The following EVC variants were observed in gnomAD, a reference collection of about 807,000 sequenced individuals.
The protein encoded by EVC is evC complex member EVC.
Under a neutral mutation model 118.9 loss-of-function variants are expected in EVC, and 116 were observed. That is an observed-to-expected ratio of 0.98 (90% CI 0.84 to 1.14). The LOEUF is 1.14. Ranked by LOEUF, EVC falls within the 50% of genes most tolerant of loss-of-function variation. EVC has a pLI of 0.00. For missense variants in EVC, 1,401 were observed against 1,246.4 expected, an observed-to-expected ratio of 1.12 and a Z score of -1.87; for synonymous variants, 619 against 534.7, an observed-to-expected ratio of 1.16 and a Z score of -2.18.
rs1728980164 is a variant in EVC at position 5,743,847 on chromosome 4, T to A, written c.802-1357T>A. ...ATTTTTGTTTTACAGCTGAAGAAAC[T>A]GAGACTCCATAAGTTCAAATGACTT... On this transcript the variant is annotated intron_variant, in intron 6 of 20. Coordinates refer to ENST00000264956, the MANE Select transcript of EVC (RefSeq NM_153717.3). This position sits in a 1 kb window ranked among gnomAD's most constrained non-coding sequence, Gnocchi z 4.7. Among the ~76,000 whole-genome samples the A allele has an allele frequency of 6.6e-6, 1 of 152,188 alleles. No homozygotes were observed. The highest frequency in any genetic ancestry group is 2.1e-4 in the South Asian group (1 of 4,818).
In EVC at chr4:5,812,405, CGCCTGG is replaced by C. The variant is rs1717071806; in HGVS notation, c.*1369_*1374del. On this transcript the variant is annotated 3_prime_UTR_variant, in exon 21 of 21. Coordinates refer to ENST00000264956, the MANE Select transcript of EVC (RefSeq NM_153717.3). ...CACCACAGCCAGGAGAGGCCTTTCCCGCCTGGAGAGAAGCTTCAGGCCAGCTCCTCA... is the reference window on the plus strand; with the variant it reads ...CACCACAGCCAGGAGAGGCCTTTCCCAGAGAAGCTTCAGGCCAGCTCCTCA... The C allele has an allele frequency of 1.2e-5, 2 of 168,988 alleles. No individual in the cohort carries two copies. The highest frequency in any genetic ancestry group is 6.6e-5 in the Admixed American group (1 of 15,158). 10.5% of individuals were successfully genotyped at this position (168,988 alleles called of 1,614,324 possible). A position where few individuals can be genotyped will look rare whatever the true frequency, so the allele number is the denominator to read the frequency against.
At chr4:5,752,645 T>C (rs1730560599) in intron 8 of EVC, 191 bp from the exon 9 acceptor site, 1 of 679,384 alleles carries the variant, frequency 1.5e-6, no homozygotes, top group Non-Finnish European at 2.7e-6. Context: ...GGAGAGACAC[T>C]TAATCCCCAC....
At chr4:5,735,369 C>A (rs1727493470) in intron 5 of EVC, among the ~76,000 whole-genome samples, 1 of 152,176 alleles carries the variant, frequency 6.6e-6, no homozygotes, top group Non-Finnish European at 1.5e-5. Context: ...AGACCCTAGT[C>A]CACCCTTTGA....
Position 5,738,952 on chromosome 4 carries a change from A to G in EVC, c.703-2764A>G, listed in dbSNP as rs1252381025. Among the ~76,000 whole-genome samples the G allele has an allele frequency of 7.2e-5, 11 of 152,296 alleles. No homozygotes were observed. The highest frequency in any genetic ancestry group is 5.9e-4 in the Admixed American group (9 of 15,294). On this transcript the variant is annotated intron_variant, in intron 5 of 20. Transcript: ENST00000264956. This position sits in a 1 kb window ranked among gnomAD's most constrained non-coding sequence, Gnocchi z 6.5. ...AGTTATTTTTAAAATTAAGGTATGT[A>G]CTTTTTTAGACATACTGCTATTGTA...
chr4:5,714,155 T>C (rs1034037392), intron 1 of EVC, among the ~76,000 whole-genome samples: 1 of 152,234 alleles, frequency 6.6e-6, no homozygotes, highest in Non-Finnish European at 1.5e-5. Context: ...GATCACCTTC[T>C]TAACTAGGGA....
the EVC span, among the ~76,000 whole-genome samples, chr4:5,819,996 G>A: frequency 2.6e-5 from 4 of 152,180 alleles, no homozygotes; most frequent in African/African-American, 7.2e-5. Flanking sequence ...TGCCTCAAAT[G>A]CCCTTGGAGC....
Position 5,809,531 on chromosome 4 carries a change from ACTT to A in EVC, c.2704_2706del (p.Phe902del). 1 of 1,614,140 alleles carries A rather than the reference ACTT, an allele frequency of 6.2e-7. No individual in the cohort carries two copies. Among genetic ancestry groups the A allele is most frequent in the Non-Finnish European group, 8.5e-7 (1 of 1,180,030 alleles). ...CTTGCATTTCAGGAAGCTGAACAGA[ACTT>A]CATCTCCGAGCTGGCAGCCTTGGCC... On this transcript the variant is annotated inframe_deletion, in exon 19 of 21. Coordinates refer to ENST00000264956, the MANE Select transcript of EVC (RefSeq NM_153717.3).
At chr4:5,734,178 G>GT (rs1172387699) in intron 5 of EVC, among the ~76,000 whole-genome samples, 2 of 152,054 alleles carry the variant, frequency 1.3e-5, no homozygotes, top group Non-Finnish European at 1.5e-5. Context: ...GATGACGGGG[G>GT]TTAAAAAAAA....
downstream of EVC, among the ~76,000 whole-genome samples, chr4:5,818,528 C>T (rs1456346903): frequency 1.3e-5 from 2 of 152,200 alleles, no homozygotes; most frequent in Non-Finnish European, 2.9e-5. Flanking sequence ...GTGATTGGGT[C>T]ATGAGGGCTC....
chr4:5,779,560 C>G (rs1275803492), intron 11 of EVC, among the ~76,000 whole-genome samples: 1 of 116,856 alleles, frequency 8.6e-6, no homozygotes, highest in Non-Finnish European at 1.9e-5. Context: ...CCTTCACATC[C>G]CTTGTAAGTT....
At chr4:5,809,460 G>A (rs1429655167) in intron 18 of EVC, 58 bp from the exon 19 acceptor site, 3 of 1,453,838 alleles carry the variant, frequency 2.1e-6, no homozygotes, top group Admixed American at 3.3e-5. Flanking sequence ...ACGTGGAGAG[G>A]GATTTAGAGA....
intron 2 of EVC, among the ~76,000 whole-genome samples, chr4:5,720,166 G>A (rs553519334): frequency 9.9e-5 from 15 of 152,258 alleles, no homozygotes; most frequent in African/African-American, 3.6e-4. Flanking sequence ...AGGAAGTACT[G>A]CAGGCTTCAT....
rs1029833383 is a variant in EVC at position 5,783,734 on chromosome 4, C to T, written c.1746C>T (p.Leu582=). The T allele has an allele frequency of 1.2e-6, 2 of 1,613,454 alleles. No individual in the cohort carries two copies. The highest frequency in any genetic ancestry group is 2.7e-5 in the African/African-American group (2 of 75,016). Residue 582 remains leucine (L), a synonymous_variant, in exon 12 of 21, where the codon CTC becomes CTT. Transcript: ENST00000264956. Reference sequence around the variant, plus strand: ...GCTTCCGGAGGCAGCAGTGGAAACTCTTCCAGGAGCTCCTAGAGCAAGACC... The same window carrying T: ...GCTTCCGGAGGCAGCAGTGGAAACTTTTCCAGGAGCTCCTAGAGCAAGACC... ...SNRFRRQQWK[L]FQELLEQDQQ... is the part of the protein sequence containing the mutation.
At chr4:5,766,567 A>G (rs4254708) in intron 11 of EVC, among the ~76,000 whole-genome samples, 39,899 of 111,358 alleles carry the variant, frequency 0.36, 7,366 homozygotes, top group Middle Eastern at 0.45. Flanking sequence ...TGGTCTTTTC[A>G]CATAGTCCCA....
intron 20 of EVC, among the ~76,000 whole-genome samples, 154 bp from the exon 21 acceptor site, chr4:5,810,799 G>A (rs1340353869): frequency 1.3e-5 from 2 of 152,080 alleles, no homozygotes; most frequent in Admixed American, 6.5e-5. Flanking sequence ...GGAGGGAAAC[G>A]GGTTTTATTG....
intron 20 of EVC, 100 bp downstream of exon 20, chr4:5,810,550 C>T (rs1412936780): frequency 2.3e-6 from 2 of 858,532 alleles, no homozygotes; most frequent in Non-Finnish European, 3.9e-6. Flanking sequence ...TCAGTCCCCT[C>T]AGAGGCATTA....
At chr4:5,807,589 G>C (rs533625250) in intron 17 of EVC, among the ~76,000 whole-genome samples, 3 of 152,316 alleles carry the variant, frequency 2.0e-5, no homozygotes, top group Non-Finnish European at 4.4e-5. Flanking sequence ...ATCCAGAGAG[G>C]GAGGTGGGCC....
chr4:5,712,021 A>T (rs577176523), intron 1 of EVC, among the ~76,000 whole-genome samples: 12 of 152,248 alleles, frequency 7.9e-5, no homozygotes, highest in Admixed American at 7.8e-4. Flanking sequence ...CCCACAGTAA[A>T]AGTTTTCAGG....
At position 5,754,635 on chromosome 4, in the gene EVC, G is replaced by A. The variant is rs16837649; in HGVS notation, c.1464+702G>A. Among the ~76,000 whole-genome samples, 25,309 of 151,932 alleles carry A rather than the reference G, an allele frequency of 0.17. 2,574 individuals carry two copies. The highest frequency in any genetic ancestry group is 0.23 in the Middle Eastern group (68 of 294). On this transcript the variant is annotated intron_variant, in intron 10 of 20. Coordinates refer to ENST00000264956, the MANE Select transcript of EVC (RefSeq NM_153717.3). The surrounding 1 kb of genome is among the most constrained non-coding windows in gnomAD (Gnocchi z 5.8). ...GGAGAGGACCAGCTTGTCCGTAACC[G>A]TCTTGCAGGCTGGTTAAGCATTGGG...
Sources: gnomAD v4.1 joint callset for allele counts (sites outside exome capture counted in the v4.1 genomes callset) on GRCh38, gnomAD v4.1.1 for gene constraint, Gnocchi (gnomAD v3.1) non-coding constraint, MANE v1.5 for transcripts, NCBI Gene and HGNC (gene_info 2026-07-23, HGNC 2026-07-21) for gene names.